EYS: variants seen among roughly 807,000 people sequenced by gnomAD.
The protein encoded by EYS is protein eyes shut homolog.
EYS carries 250 observed loss-of-function variants against 282.1 expected under a neutral mutation model. The observed-to-expected ratio is 0.89, with a 90% CI of 0.80 to 0.98. The LOEUF (loss-of-function observed/expected upper bound fraction) is 0.98, where lower values mean the gene tolerates loss of function less well. EYS is among the 50% of genes least tolerant of loss of function. The pLI is 0.00. For synonymous variants in EYS, 1,355 were observed against 1,282.9 expected, an observed-to-expected ratio of 1.06 and a Z score of -1.20; for missense variants, 4,016 against 3,709.0, an observed-to-expected ratio of 1.08 and a Z score of -2.15.
At chr6:64,176,226 T>C (rs955812610) in intron 31 of EYS, among the ~76,000 whole-genome samples, 6 of 151,990 alleles carry the variant, frequency 3.9e-5, no homozygotes, top group African/African-American at 1.5e-4. Flanking sequence ...GTGCAAATAT[T>C]TCATTTTTTA....
At chr6:64,585,947 T>C (rs10494886) in intron 26 of EYS, among the ~76,000 whole-genome samples, 14,990 of 152,204 alleles carry the variant, frequency 0.098, 921 homozygotes, top group East Asian at 0.17. Context: ...TCCATTTATA[T>C]ACTTTTATGG....
At chr6:64,205,432 C>A (rs1765583651) in intron 31 of EYS, among the ~76,000 whole-genome samples, 1 of 152,080 alleles carries the variant, frequency 6.6e-6, no homozygotes, top group Admixed American at 6.6e-5. Flanking sequence ...TGATGGATTT[C>A]AATTTGAGCA....
At chr6:64,089,585 T>A (rs114747649) in intron 31 of EYS, among the ~76,000 whole-genome samples, 1 of 151,630 alleles carries the variant, frequency 6.6e-6, no homozygotes, top group East Asian at 1.9e-4. Context: ...TTTTAGAATT[T>A]AAAAAATTTA....
chr6:65,645,816 T>A (rs1007570834), intron 1 of EYS, among the ~76,000 whole-genome samples: 1 of 152,100 alleles, frequency 6.6e-6, no homozygotes, highest in African/African-American at 2.4e-5. Flanking sequence ...AAGTTTGAAG[T>A]ATGCTCAATT....
intron 35 of EYS, among the ~76,000 whole-genome samples, chr6:63,911,431 C>G (rs1264996801): frequency 6.6e-6 from 1 of 152,338 alleles, no homozygotes; most frequent in East Asian, 1.9e-4. Context: ...AATAAGTGAA[C>G]AGCCTGACAC....
At chr6:63,967,163 C>T (rs1281966511) in intron 35 of EYS, among the ~76,000 whole-genome samples, 4 of 152,088 alleles carry the variant, frequency 2.6e-5, no homozygotes, top group African/African-American at 7.2e-5. Context: ...TACTGACTGG[C>T]GGATGGGTTG....
At chr6:65,599,944 G>C (rs143928417) in intron 2 of EYS, among the ~76,000 whole-genome samples, 31 of 152,174 alleles carry the variant, frequency 2.0e-4, no homozygotes, top group African/African-American at 7.2e-4. Flanking sequence ...TTGGTTATGT[G>C]CTGTTGACAT....
chr6:65,325,655 T>C (rs1769599279), intron 11 of EYS, among the ~76,000 whole-genome samples: 1 of 151,958 alleles, frequency 6.6e-6, no homozygotes, highest in African/African-American at 2.4e-5. Context: ...GGAGAAGGGG[T>C]CTAAAATACT....
intron 12 of EYS, among the ~76,000 whole-genome samples, chr6:65,210,062 T>C (rs983874653): frequency 6.6e-6 from 1 of 151,952 alleles, no homozygotes; most frequent in Non-Finnish European, 1.5e-5. Context: ...AAATATTAAA[T>C]TAATAGTGAA....
chr6:65,330,963 CAT>C (rs1769776061), intron 11 of EYS: 1 of 984,212 alleles, frequency 1.0e-6, no homozygotes, highest in African/African-American at 1.7e-5. Context: ...CCAAATTTCT[CAT>C]ATATTGAGTT....
At chr6:65,127,466 C>A (rs1215308561) in intron 12 of EYS, among the ~76,000 whole-genome samples, 1 of 152,018 alleles carries the variant, frequency 6.6e-6, no homozygotes, top group Non-Finnish European at 1.5e-5. Context: ...ATACAATAAA[C>A]AAACTACAGA....
At chr6:65,553,726 A>G (rs1056983189) in intron 2 of EYS, among the ~76,000 whole-genome samples, 6 of 152,022 alleles carry the variant, frequency 3.9e-5, no homozygotes, top group African/African-American at 9.7e-5. Context: ...AGTTATATGT[A>G]GTTAATTTTT....
chr6:64,470,423 ATAAC>A (rs1170189926), intron 26 of EYS, among the ~76,000 whole-genome samples: 1 of 152,222 alleles, frequency 6.6e-6, no homozygotes, highest in Non-Finnish European at 1.5e-5. Context: ...TTATTTAAAA[ATAAC>A]TAAATAGAAA....
At chr6:64,327,384 T>A (rs1281744001) in intron 29 of EYS, among the ~76,000 whole-genome samples, 1 of 152,060 alleles carries the variant, frequency 6.6e-6, no homozygotes, top group Non-Finnish European at 1.5e-5. Flanking sequence ...GGGTGCATGC[T>A]GAAAAATTTT....
chr6:64,545,387 A>T (rs1764823055), intron 26 of EYS, among the ~76,000 whole-genome samples: 1 of 152,190 alleles, frequency 6.6e-6, no homozygotes, highest in Admixed American at 6.5e-5. Flanking sequence ...AATAAGAGCT[A>T]TCTATGACAA....
At chr6:65,700,898 C>T (rs1362593248) in intron 1 of EYS, among the ~76,000 whole-genome samples, 2 of 152,168 alleles carry the variant, frequency 1.3e-5, no homozygotes, top group African/African-American at 2.4e-5. Context: ...CCATCTCTGT[C>T]CTACTTTACT....
At chr6:64,863,948 T>C (rs1278739082) in intron 19 of EYS, among the ~76,000 whole-genome samples, 1 of 152,296 alleles carries the variant, frequency 6.6e-6, no homozygotes, top group South Asian at 2.1e-4. Flanking sequence ...ATCTCTATTA[T>C]CTGTATGGAT....
intron 33 of EYS, among the ~76,000 whole-genome samples, chr6:64,000,168 C>CCTTTTTTTTTTTTT (rs1768014947): frequency 4.7e-5 from 2 of 42,716 alleles, no homozygotes; most frequent in African/African-American, 8.8e-5. Flanking sequence ...AGACATGGGA[C>CCTTTTTTTTTTTTT]TTTTTTTTTT....
intron 15 of EYS, among the ~76,000 whole-genome samples, chr6:64,924,098 T>G (rs1053075557): frequency 6.6e-6 from 1 of 152,150 alleles, no homozygotes; most frequent in Non-Finnish European, 1.5e-5. Context: ...CCCCGCCCCT[T>G]CAGCAAATTT....
Sources: allele counts gnomAD v4.1 joint callset (sites outside exome capture counted in the v4.1 genomes callset), GRCh38; gene constraint gnomAD v4.1.1; transcripts MANE v1.5; gene names NCBI Gene and HGNC (gene_info 2026-07-23, HGNC 2026-07-21).